SLC4A8: variants seen among roughly 807,000 people sequenced by gnomAD.
The protein encoded by SLC4A8 is electroneutral sodium bicarbonate exchanger 1.
Under a neutral mutation model 125.0 loss-of-function variants are expected in SLC4A8, and 40 were observed. That is an observed-to-expected ratio of 0.32 (90% CI 0.25 to 0.42). SLC4A8 has a LOEUF of 0.42. SLC4A8 is among the 10% of genes least tolerant of loss of function. The pLI, the probability that SLC4A8 is intolerant of heterozygous loss-of-function variation, is 1.00. For synonymous variants in SLC4A8, 456 were observed against 476.0 expected, an observed-to-expected ratio of 0.96 and a Z score of 0.55; for missense variants, 863 against 1,355.1, an observed-to-expected ratio of 0.64 and a Z score of 5.70.
intron 1 of SLC4A8, among the ~76,000 whole-genome samples, chr12:51,392,571 C>CAAAAAAAAAAAAAA (rs35992841): frequency 8.4e-6 from 1 of 119,206 alleles, no homozygotes; most frequent in Non-Finnish European, 1.7e-5. Context: ...GATTCCGTAT[C>CAAAAAAAAAAAAAA]AAAAAAAAAA....
chr12:51,433,435 A>G (rs556275980), intron 1 of SLC4A8, among the ~76,000 whole-genome samples: 1 of 152,072 alleles, frequency 6.6e-6, no homozygotes, highest in South Asian at 2.1e-4. Context: ...TCTTAAGCTT[A>G]TATAATGTGT....
rs1410381324 is a variant in SLC4A8 at position 51,400,758 on chromosome 12, A to G, written c.-112+9270A>G. Among the ~76,000 whole-genome samples the G allele has an allele frequency of 8.0e-3, 27 of 3,374 alleles. 3 individuals are homozygous for G. Among genetic ancestry groups the G allele is most frequent in the South Asian group, 0.021 (3 of 144 alleles). The allele number at this position is 3,374 out of a possible 152,430, so 2.2% of individuals were successfully genotyped here. ...TATATATATATATATATATATATAT[A>G]TATATATATATATATATATACATAC... On this transcript the variant is annotated intron_variant, in intron 1 of 24. Transcript: ENST00000358657.
At chr12:51,476,560 G>C (rs1046428468) in intron 16 of SLC4A8, among the ~76,000 whole-genome samples, 1 of 152,066 alleles carries the variant, frequency 6.6e-6, no homozygotes, top group African/African-American at 2.4e-5. Context: ...ATTCATATTA[G>C]TGATGATACA....
At chr12:51,466,549 A>G (rs1950521295) in intron 11 of SLC4A8, 1 of 151,510 alleles carries the variant, frequency 6.6e-6, no homozygotes, top group South Asian at 2.1e-4. Flanking sequence ...AATTAAACTC[A>G]TATCCCTGTG....
At chr12:51,456,091 G>T (rs2138212656) in intron 5 of SLC4A8, among the ~76,000 whole-genome samples, 1 of 152,292 alleles carries the variant, frequency 6.6e-6, no homozygotes, top group Admixed American at 6.5e-5. Flanking sequence ...TTAGGCTATT[G>T]CAGTAGTTCA....
chr12:51,463,638 C>T lies in SLC4A8; in HGVS notation c.1273C>T (p.Pro425Ser). The T allele has an allele frequency of 1.2e-6, 2 of 1,613,912 alleles. No individual in the cohort carries two copies. The highest frequency in any genetic ancestry group is 4.5e-5 in the East Asian group (2 of 44,884). ...GGAGAAAAGGAAAATGCCTGGAGTT[C>T]CAAATGGAAATGTTTGCCACATAGA... is the stretch of plus-strand genomic sequence containing the variant. ...SQEKRKMPGV[P>S]NGNVCHIEQE... The change falls in exon 11 of 25, where the codon CCA becomes TCA. Residue 425 changes from proline to serine, a missense_variant. Coordinates refer to ENST00000453097, the MANE Select transcript of SLC4A8 (RefSeq NM_001039960.3).
Position 51,491,204 on chromosome 12 carries a change from G to A in SLC4A8, c.2700+1253G>A, listed in dbSNP as rs75067758. Among the ~76,000 whole-genome samples, 570 of 152,324 alleles carry A rather than the reference G, an allele frequency of 3.7e-3. 1 individual carries two copies. Among genetic ancestry groups the A allele is most frequent in the Non-Finnish European group, 6.9e-3 (466 of 68,028 alleles). ...GTCTGGGAGTCATCTAAGTGAAGAGGCTAGAGGAGGGTTCTGGACTAAAAT... is the reference window on the plus strand; with the variant it reads ...GTCTGGGAGTCATCTAAGTGAAGAGACTAGAGGAGGGTTCTGGACTAAAAT... On this transcript the variant is annotated intron_variant, in intron 19 of 24. Coordinates refer to ENST00000453097, the MANE Select transcript of SLC4A8 (RefSeq NM_001039960.3).
At chr12:51,400,346 C>T (rs886119970) in intron 1 of SLC4A8, among the ~76,000 whole-genome samples, 5 of 152,112 alleles carry the variant, frequency 3.3e-5, no homozygotes, top group East Asian at 1.9e-4. Context: ...CTACTATCAT[C>T]GAAGACCTTT....
At position 51,471,349 on chromosome 12, in the gene SLC4A8, G is replaced by A. The variant is rs1950692816; in HGVS notation, c.1721G>A (p.Cys574Tyr). The change falls in exon 14 of 25, where the codon TGT becomes TAT. Residue 574 changes from cysteine to tyrosine, a missense_variant. By Grantham distance (194) the Cys-to-Tyr change is radical (BLOSUM62 -2). Transcript: ENST00000453097. ...ACIGLWTAFL[C>Y]IVLVATDASS... The stretch of plus-strand genomic sequence containing the variant: ...ATTGGACTGTGGACCGCTTTCCTGT[G>A]TATTGTCCTTGTGGCAACTGATGCC... The A allele has an allele frequency of 1.2e-6, 2 of 1,613,964 alleles. No individual in the cohort carries two copies. Among genetic ancestry groups the A allele is most frequent in the African/African-American group, 1.3e-5 (1 of 74,916 alleles).
intron 3 of SLC4A8, among the ~76,000 whole-genome samples, chr12:51,451,811 C>T (rs1949983819): frequency 6.6e-6 from 1 of 151,554 alleles, no homozygotes; most frequent in African/African-American, 2.4e-5. Flanking sequence ...AAGAAAACTT[C>T]ACAGTTCTGA....
intron 5 of SLC4A8, among the ~76,000 whole-genome samples, chr12:51,455,984 G>A (rs1450672303): frequency 1.3e-5 from 2 of 152,288 alleles, no homozygotes; most frequent in Non-Finnish European, 2.9e-5. Context: ...CAGCAGTCAC[G>A]GGAGAGTTTT....
At chr12:51,432,823 G>T (rs769603566) in intron 1 of SLC4A8, among the ~76,000 whole-genome samples, 54 of 152,076 alleles carry the variant, frequency 3.6e-4, no homozygotes, top group South Asian at 6.2e-4. Flanking sequence ...GACTTTTTTG[G>T]GGGGGGTCTT....
At chr12:51,451,117 C>A in intron 3 of SLC4A8, 95 bp downstream of exon 3, 1 of 1,073,386 alleles carries the variant, frequency 9.3e-7, no homozygotes, top group Non-Finnish European at 1.2e-6. Context: ...GGTCTTGATT[C>A]TTGAGCCTTT....
chr12:51,392,839 G>A (rs2137896234), intron 1 of SLC4A8: 1 of 152,286 alleles, frequency 6.6e-6, no homozygotes, highest in South Asian at 2.1e-4. Flanking sequence ...GCTGCCTCGT[G>A]TGCTGCAATC....
At chr12:51,448,010 C>CGTCCGG (rs1949837580) in intron 2 of SLC4A8, among the ~76,000 whole-genome samples, 1 of 152,116 alleles carries the variant, frequency 6.6e-6, no homozygotes, top group South Asian at 2.1e-4. Context: ...TGAGCCACCA[C>CGTCCGG]GTCCGGCTGG....
chr12:51,488,949 T>G, intron 18 of SLC4A8, 89 bp downstream of exon 18: 1 of 977,958 alleles, frequency 1.0e-6, no homozygotes, highest in Non-Finnish European at 1.5e-6. Context: ...GACCAGAAAT[T>G]GTAGAATCTC....
At position 51,497,057 on chromosome 12, in the gene SLC4A8, A is replaced by C; in HGVS notation, c.3014A>C (p.Asp1005Ala). Residue 1005 changes from aspartate to alanine, a missense_variant, in exon 22 of 25, where the codon GAT becomes GCT. Around this residue, in one of 6 missense-constraint regions of SLC4A8, gnomAD observed 92 missense variants for 125.6 expected, o/e 0.73. Coordinates refer to ENST00000453097, the MANE Select transcript of SLC4A8 (RefSeq NM_001039960.3). ...TCTAAGCGAGAGCTGAGCTGGCTAG[A>C]TGATCTCATGCCTGAAAGCAAAAAG... is the stretch of plus-strand genomic sequence containing the variant. ...CFSKRELSWL[D>A]DLMPESKKKK... 1 of 1,614,046 alleles carries C rather than the reference A, an allele frequency of 6.2e-7. No homozygotes were observed. Among genetic ancestry groups the C allele is most frequent in the Non-Finnish European group, 8.5e-7 (1 of 1,180,006 alleles).
intron 1 of SLC4A8, among the ~76,000 whole-genome samples, chr12:51,400,752 A>G (rs1243871915): frequency 0.025 from 55 of 2,208 alleles, 7 homozygotes; most frequent in Middle Eastern, 0.2. Context: ...ATATATATAT[A>G]TATATATATA....
At chr12:51,471,210 A>G (rs1950685138) in intron 13 of SLC4A8, 77 bp from the exon 14 acceptor site, 6 of 1,385,296 alleles carry the variant, frequency 4.3e-6, no homozygotes, top group Non-Finnish European at 6.0e-6. Context: ...AGATGAAATG[A>G]ATTAACCACA....
Sources: gnomAD v4.1 joint callset for allele counts (sites outside exome capture counted in the v4.1 genomes callset) on GRCh38, gnomAD v4.1.1 for gene constraint, gnomAD v4.1.1 regional missense constraint, MANE v1.5 for transcripts, NCBI Gene and HGNC (gene_info 2026-07-23, HGNC 2026-07-21) for gene names.